The following ADK variants were observed in gnomAD, a reference collection of about 807,000 sequenced individuals.
ADK encodes adenosine kinase.
In ADK, 24 loss-of-function variants were observed where a neutral mutation model predicts 44.7. The observed-to-expected ratio is 0.54, with a 90% confidence interval of 0.39 to 0.76. ADK has a LOEUF of 0.76. Ranked by LOEUF, ADK falls within the 30% of genes least tolerant of loss-of-function variation. The pLI is 0.00. For missense variants in ADK, 321 were observed against 425.1 expected (o/e 0.76, Z 2.15); for synonymous variants, 128 against 142.6 (o/e 0.90, Z 0.73).
At chr10:74,342,779 T>TTGTGTG (rs757212421) in intron 4 of ADK, among the ~76,000 whole-genome samples, 2,583 of 141,402 alleles carry the variant, frequency 0.018, 42 homozygotes, top group African/African-American at 0.018. Flanking sequence ...CTAGCTCAGT[T>TTGTGTG]TGTGTGTGTG....
chr10:74,579,248 A>T (rs1851298088), intron 7 of ADK, among the ~76,000 whole-genome samples: 1 of 149,664 alleles, frequency 6.7e-6, no homozygotes, highest in Non-Finnish European at 1.5e-5. Context: ...AAAAAAAAAA[A>T]GTGAAGAACA....
intron 3 of ADK, among the ~76,000 whole-genome samples, chr10:74,227,957 C>T (rs941930751): frequency 6.6e-6 from 1 of 152,048 alleles, no homozygotes. Flanking sequence ...CTGCAGTGAA[C>T]CATGATCATT....
intron 9 of ADK, among the ~76,000 whole-genome samples, chr10:74,663,248 A>ATAT (rs375366309): frequency 1.2e-4 from 17 of 140,852 alleles, no homozygotes; most frequent in East Asian, 4.1e-4. Context: ...AAAAAAAAAT[A>ATAT]ATATATATAT....
At chr10:74,479,139 C>T (rs1050712700) in intron 6 of ADK, among the ~76,000 whole-genome samples, 1 of 152,124 alleles carries the variant, frequency 6.6e-6, no homozygotes. Flanking sequence ...GCTGGAACCA[C>T]AGGCACGTAC....
At chr10:74,240,556 T>C (rs553713679) in intron 3 of ADK, among the ~76,000 whole-genome samples, 1 of 152,298 alleles carries the variant, frequency 6.6e-6, no homozygotes, top group Non-Finnish European at 1.5e-5. Flanking sequence ...TAAAGGAAAC[T>C]TCATCAAATA....
chr10:74,248,297 C>G (rs1845507449), intron 3 of ADK, among the ~76,000 whole-genome samples: 1 of 152,056 alleles, frequency 6.6e-6, no homozygotes, highest in African/African-American at 2.4e-5. Context: ...AGATTATTGA[C>G]TGTTAGTAGG....
At chr10:74,424,225 T>G (rs1055874404) in intron 6 of ADK, among the ~76,000 whole-genome samples, 1 of 152,080 alleles carries the variant, frequency 6.6e-6, no homozygotes, top group Non-Finnish European at 1.5e-5. Flanking sequence ...ACCATATATG[T>G]ACTTAAACAC....
At chr10:74,176,871 C>G (rs2132068446) in intron 1 of ADK, 1 of 1,609,476 alleles carries the variant, frequency 6.2e-7, no homozygotes, top group Non-Finnish European at 8.5e-7. Context: ...GAGGGCGAAG[C>G]CATGACGTCA....
At chr10:74,512,625 C>CT (rs1354375699) in intron 6 of ADK, among the ~76,000 whole-genome samples, 1 of 151,464 alleles carries the variant, frequency 6.6e-6, no homozygotes, top group Non-Finnish European at 1.5e-5. Context: ...TTTGTGATGT[C>CT]TCCTTTTTTG....
At chr10:74,380,640 C>T (rs1842952101) in intron 4 of ADK, among the ~76,000 whole-genome samples, 1 of 151,996 alleles carries the variant, frequency 6.6e-6, no homozygotes, top group Non-Finnish European at 1.5e-5. Context: ...CACCTGTAGT[C>T]CCAGCTACTT....
chr10:74,262,554 G>A (rs1846076757), intron 3 of ADK, among the ~76,000 whole-genome samples: 1 of 152,110 alleles, frequency 6.6e-6, no homozygotes, highest in Non-Finnish European at 1.5e-5. Context: ...TATCAAGCAT[G>A]TTTATTTCTA....
At chr10:74,704,699 C>T (rs2131796170) in intron 10 of ADK, among the ~76,000 whole-genome samples, 2 of 152,290 alleles carry the variant, frequency 1.3e-5, no homozygotes, top group Middle Eastern at 6.8e-3. Context: ...TTTTGCTTCA[C>T]AAAAATATTT....
intron 3 of ADK, among the ~76,000 whole-genome samples, chr10:74,302,508 C>A (rs552848521): frequency 1.3e-5 from 2 of 151,950 alleles, no homozygotes; most frequent in Non-Finnish European, 2.9e-5. Flanking sequence ...AATTTATATT[C>A]CAGGCTGGGC....
At chr10:74,647,546 T>C (rs1854097037) in intron 9 of ADK, among the ~76,000 whole-genome samples, 1 of 152,170 alleles carries the variant, frequency 6.6e-6, no homozygotes, top group Non-Finnish European at 1.5e-5. Context: ...ATATGCCTCT[T>C]ACCTGAATAC....
intron 6 of ADK, among the ~76,000 whole-genome samples, chr10:74,477,943 C>A (rs1200365177): frequency 2.0e-5 from 3 of 152,190 alleles, no homozygotes; most frequent in Non-Finnish European, 4.4e-5. Context: ...AACTATATTT[C>A]CCAAATTATT....
At chr10:74,472,021 T>C (rs1337811051) in intron 6 of ADK, among the ~76,000 whole-genome samples, 2 of 152,186 alleles carry the variant, frequency 1.3e-5, no homozygotes, top group Admixed American at 6.5e-5. Context: ...TTTCTTTCTT[T>C]AGCTGACTGC....
At position 74,234,199 on chromosome 10, in the gene ADK, A is replaced by G. The variant is rs151071650; in HGVS notation, c.194+9608A>G. 2.2e-3 allele frequency among the ~76,000 whole-genome samples: 331 copies of G among 152,320 alleles called. 2 individuals carry two copies. The highest frequency in any genetic ancestry group is 7.5e-3 in the African/African-American group (313 of 41,574). On this transcript the variant is annotated intron_variant, in intron 3 of 10. Coordinates refer to ENST00000539909, the MANE Select transcript of ADK (RefSeq NM_006721.4). ...TTAGTATTTATTAGCAGCCAATCTAACCTTGAAAACTCTATGTTGATTTCT... is the reference window on the plus strand; with the variant it reads ...TTAGTATTTATTAGCAGCCAATCTAGCCTTGAAAACTCTATGTTGATTTCT...
intron 8 of ADK, among the ~76,000 whole-genome samples, chr10:74,591,186 T>C (rs1851703948): frequency 6.6e-6 from 1 of 152,186 alleles, no homozygotes; most frequent in Admixed American, 6.5e-5. Context: ...AACTACTTTT[T>C]CTATTTTCCA....
At chr10:74,590,840 G>T (rs1259336940) in intron 8 of ADK, among the ~76,000 whole-genome samples, 1 of 151,778 alleles carries the variant, frequency 6.6e-6, no homozygotes, top group Non-Finnish European at 1.5e-5. Context: ...AAATTTTCAG[G>T]AATTTTTTAA....
Sources: allele counts gnomAD v4.1 joint callset (sites outside exome capture counted in the v4.1 genomes callset), GRCh38; gene constraint gnomAD v4.1.1; transcripts MANE v1.5; gene names NCBI Gene and HGNC (gene_info 2026-07-23, HGNC 2026-07-21).